The following KCNH8 variants were observed in gnomAD, a reference collection of about 807,000 sequenced individuals.
The protein encoded by KCNH8 is voltage-gated delayed rectifier potassium channel KCNH8.
A neutral mutation model predicts 103.6 loss-of-function variants in KCNH8; 70 were observed. The observed-to-expected ratio is 0.68, with a 90% CI of 0.56 to 0.82. The LOEUF (loss-of-function observed/expected upper bound fraction) is 0.82. Among genes scored for constraint, KCNH8 ranks in the 40% least tolerant of loss-of-function variants. The pLI is 0.00. For synonymous variants in KCNH8, 498 were observed against 489.4 expected (o/e 1.02, Z -0.23); for missense variants, 1,217 against 1,329.9 (o/e 0.92, Z 1.32).
chr3:19,485,140 C>T (rs181037331), intron 11 of KCNH8, among the ~76,000 whole-genome samples: 57 of 152,220 alleles, frequency 3.7e-4, no homozygotes, highest in Non-Finnish European at 4.0e-4. Flanking sequence ...TGTACCAAGT[C>T]GCTCACAAAC....
Position 19,232,759 on chromosome 3 carries a change from A to G in KCNH8, c.77-20895A>G, listed in dbSNP as rs552830439. Reference sequence around the variant, plus strand: ...GTATGAAGCATCTGAGAGGTATGGTATGAAAGATGCCCTGTAGCACCTGGG... The same window carrying G: ...GTATGAAGCATCTGAGAGGTATGGTGTGAAAGATGCCCTGTAGCACCTGGG... On this transcript the variant is annotated intron_variant, in intron 1 of 15. Coordinates refer to ENST00000328405, the MANE Select transcript of KCNH8 (RefSeq NM_144633.3). Among the ~76,000 whole-genome samples, 225 of 152,340 alleles carry G rather than the reference A, an allele frequency of 1.5e-3. 2 individuals carry two copies. Among genetic ancestry groups the G allele is most frequent in the Middle Eastern group, 6.8e-3 (2 of 294 alleles).
intron 1 of KCNH8, among the ~76,000 whole-genome samples, chr3:19,150,776 G>T (rs2063121101): frequency 6.6e-6 from 1 of 152,134 alleles, no homozygotes; most frequent in South Asian, 2.1e-4. Context: ...AGTATAGTAA[G>T]AAATCAAAAA....
At chr3:19,170,679 CACACATATATACACACAT>C (rs1296734257) in intron 1 of KCNH8, among the ~76,000 whole-genome samples, 1 of 144,564 alleles carries the variant, frequency 6.9e-6, no homozygotes, top group African/African-American at 2.6e-5. Context: ...TATATACACA[CACACATATATACACACAT>C]ATATATACAC....
At chr3:19,419,202 T>TTTTTG (rs2066910624) in intron 7 of KCNH8, among the ~76,000 whole-genome samples, 3 of 135,712 alleles carry the variant, frequency 2.2e-5, no homozygotes, top group African/African-American at 8.7e-5. Flanking sequence ...TTGGTTTTTT[T>TTTTTG]TTTTTTTTTT....
intron 11 of KCNH8, among the ~76,000 whole-genome samples, chr3:19,506,752 C>T (rs1420681636): frequency 6.6e-6 from 1 of 152,106 alleles, no homozygotes; most frequent in Admixed American, 6.5e-5. Context: ...CTGGGGGCTC[C>T]ACTCCAGAGA....
intron 7 of KCNH8, among the ~76,000 whole-genome samples, chr3:19,401,163 T>A (rs2066607548): frequency 6.6e-6 from 1 of 151,982 alleles, no homozygotes; most frequent in Admixed American, 6.6e-5. Flanking sequence ...AAGTCTGAGG[T>A]GGAGTCAAGA....
intron 11 of KCNH8, among the ~76,000 whole-genome samples, chr3:19,461,093 T>G (rs1328272526): frequency 6.6e-6 from 1 of 152,196 alleles, no homozygotes; most frequent in Non-Finnish European, 1.5e-5. Context: ...TTTTGTCCAG[T>G]TTGATAATTA....
intron 7 of KCNH8, 109 bp downstream of exon 7, chr3:19,395,420 T>G: frequency 4.6e-6 from 3 of 651,390 alleles, no homozygotes; most frequent in Non-Finnish European, 7.6e-6. Context: ...ATTCTTACTA[T>G]CAATTTGTCT....
At position 19,456,935 on chromosome 3, in the gene KCNH8, A is replaced by C. The variant is rs2067542401; in HGVS notation, c.1993A>C (p.Ile665Leu). 1.2e-6 allele frequency: 2 copies of C among 1,612,510 alleles called. No individual in the cohort carries two copies. Among genetic ancestry groups the C allele is most frequent in the Non-Finnish European group, 8.5e-7 (1 of 1,178,998 alleles). Reference sequence around the variant, plus strand: ...ATATGCTCACAAATTCGTGGAAGACATTCAGCATGACCTCACATACAACCT... The same window carrying C: ...ATATGCTCACAAATTCGTGGAAGACCTTCAGCATGACCTCACATACAACCT... ...PEYAHKFVED[I>L]QHDLTYNLRE... is the part of the protein sequence containing the mutation. The change falls in exon 11 of 16, where the codon ATT (isoleucine) becomes CTT (leucine). Residue 665 changes from isoleucine (I) to leucine (L), a missense_variant. This residue lies in a region of KCNH8 where 415 missense variants were observed against 577.4 expected (regional missense o/e 0.72). Coordinates refer to ENST00000328405, the MANE Select transcript of KCNH8 (RefSeq NM_144633.3).
chr3:19,284,727 C>T (rs778209142), intron 3 of KCNH8, among the ~76,000 whole-genome samples: 4 of 151,946 alleles, frequency 2.6e-5, no homozygotes, highest in Non-Finnish European at 4.4e-5. Context: ...GAATTTAATA[C>T]GAGGCCCTGT....
At chr3:19,254,768 T>G (rs1349754101) in intron 2 of KCNH8, among the ~76,000 whole-genome samples, 1 of 152,150 alleles carries the variant, frequency 6.6e-6, no homozygotes, top group Non-Finnish European at 1.5e-5. Context: ...GAGTTTTAGC[T>G]AGTGCATGGC....
intron 2 of KCNH8, among the ~76,000 whole-genome samples, chr3:19,258,237 T>G (rs530394161): frequency 6.6e-6 from 1 of 151,986 alleles, no homozygotes; most frequent in Non-Finnish European, 1.5e-5. Context: ...AGGAGTTAAG[T>G]TATTTGCCCA....
chr3:19,491,458 G>A (rs1306167024), intron 11 of KCNH8, among the ~76,000 whole-genome samples: 1 of 152,186 alleles, frequency 6.6e-6, no homozygotes, highest in Non-Finnish European at 1.5e-5. Context: ...TTAGTTTGCT[G>A]AGGATTCTTG....
At chr3:19,285,786 T>C (rs2064822844) in intron 3 of KCNH8, among the ~76,000 whole-genome samples, 1 of 152,170 alleles carries the variant, frequency 6.6e-6, no homozygotes. Context: ...CTCCCTCACT[T>C]GCCCTCGGCA....
rs1254203439 is a variant in KCNH8 at position 19,419,201 on chromosome 3, T to G, written c.1178-18963T>G. Among the ~76,000 whole-genome samples the G allele has an allele frequency of 7.0e-4, 96 of 136,724 alleles. 4 individuals are homozygous for G. The highest frequency in any genetic ancestry group is 2.1e-3 in the African/African-American group (76 of 35,586). The allele number at this position is 136,724 out of a possible 152,430, so 89.7% of individuals were successfully genotyped here. A position where few individuals can be genotyped will look rare whatever the true frequency, so the allele number is the denominator to read the frequency against. Reference sequence around the variant, plus strand: ...AGTAATTAAAATGGTTTTGGTTTTTTTTTTTTTTTTTTTTTTGAGACGGAG... The same window carrying G: ...AGTAATTAAAATGGTTTTGGTTTTTGTTTTTTTTTTTTTTTTGAGACGGAG... On this transcript the variant is annotated intron_variant, in intron 7 of 15. Transcript: ENST00000328405.
intron 1 of KCNH8, among the ~76,000 whole-genome samples, chr3:19,252,315 TA>T (rs911915937): frequency 2.5e-4 from 38 of 152,338 alleles, no homozygotes; most frequent in Middle Eastern, 3.4e-3. Flanking sequence ...ACTAATTACT[TA>T]ATAATTTACT....
intron 1 of KCNH8, among the ~76,000 whole-genome samples, chr3:19,195,014 T>C (rs917344554): frequency 1.3e-5 from 2 of 151,876 alleles, no homozygotes; most frequent in Non-Finnish European, 2.9e-5. Context: ...AGCAAGGCCA[T>C]CATAACTGAA....
At chr3:19,301,209 A>T (rs1267123714) in intron 3 of KCNH8, among the ~76,000 whole-genome samples, 2 of 151,772 alleles carry the variant, frequency 1.3e-5, no homozygotes, top group Non-Finnish European at 2.9e-5. Context: ...AGGTCTCTGT[A>T]TCACAGTGTA....
At chr3:19,154,038 T>G (rs555518228) in intron 1 of KCNH8, among the ~76,000 whole-genome samples, 2 of 152,342 alleles carry the variant, frequency 1.3e-5, no homozygotes, top group Admixed American at 1.3e-4. Context: ...TGGGGCAATG[T>G]AACATGCACA....
Sources: gnomAD v4.1 joint callset for allele counts (sites outside exome capture counted in the v4.1 genomes callset) on GRCh38, gnomAD v4.1.1 for gene constraint, gnomAD v4.1.1 regional missense constraint, MANE v1.5 for transcripts, NCBI Gene and HGNC (gene_info 2026-07-23, HGNC 2026-07-21) for gene names.